The following SDC4 variants were observed in gnomAD, a reference collection of about 807,000 sequenced individuals.
SDC4 encodes the protein syndecan-4.
SDC4 carries 17 observed loss-of-function variants against 20.5 expected under a neutral mutation model. The observed-to-expected ratio is 0.83, with a 90% CI of 0.57 to 1.25. SDC4 has a LOEUF of 1.25. Ranked by LOEUF, SDC4 falls within the 50% of genes most tolerant of loss-of-function variation. The pLI, the probability that SDC4 is intolerant of heterozygous loss-of-function variation, is 0.00. For missense variants in SDC4, 241 were observed against 252.3 expected (o/e 0.96, Z 0.30); for synonymous variants, 107 against 105.3 (o/e 1.02, Z -0.10).
At chr20:45,344,514 C>T (rs1227862471) in intron 1 of SDC4, among the ~76,000 whole-genome samples, 1 of 152,186 alleles carries the variant, frequency 6.6e-6, no homozygotes, top group Non-Finnish European at 1.5e-5. Context: ...CCTGTCCAGT[C>T]CGGGAGGTTG....
At chr20:45,336,030 G>A in intron 1 of SDC4, 110 bp from the exon 2 acceptor site, 5 of 1,216,022 alleles carry the variant, frequency 4.1e-6, no homozygotes, top group Non-Finnish European at 3.4e-6. Context: ...GACCAGGCCA[G>A]GGCCTGGAGA....
In SDC4 at chr20:45,339,338, T is replaced by C. The variant is rs6032126; in HGVS notation, c.61-3418A>G. On this transcript the variant is annotated intron_variant, in intron 1 of 4. Transcript: ENST00000372733. ...AAGAATGTGGTCTGTTCTCCTCAGC[T>C]CACCCCACCTTTGCCCAGGCATGTG... Among the ~76,000 whole-genome samples, 202 of 152,336 alleles carry C rather than the reference T, an allele frequency of 1.3e-3. 1 individual carries two copies. The highest frequency in any genetic ancestry group is 4.5e-3 in the African/African-American group (186 of 41,584).
chr20:45,328,840 G>T (rs905099427), intron 4 of SDC4, among the ~76,000 whole-genome samples: 3 of 152,156 alleles, frequency 2.0e-5, no homozygotes, highest in Non-Finnish European at 2.9e-5. Flanking sequence ...GTACCCCCAG[G>T]AGGTGCCAGA....
In SDC4 at chr20:45,327,379, G is replaced by A. The variant is rs1987708991; in HGVS notation, c.482C>T (p.Ala161Val). The A allele has an allele frequency of 6.2e-7, 1 of 1,613,938 alleles. No homozygotes were observed. The highest frequency in any genetic ancestry group is 8.5e-7 in the Non-Finnish European group (1 of 1,179,868). The change falls in exon 5 of 5, where the codon GCC becomes GTC. Residue 161 changes from alanine to valine, a missense_variant. Transcript: ENST00000372733. ...IVGGIVGILFAVFLILLLMYR... is the reference protein window; with the variant it reads ...IVGGIVGILFVVFLILLLMYR... ...CATGAGCAGTAGGATCAGGAAGACG[G>A]CAAAGAGGATGCCCACGATGCCACC... is the stretch of plus-strand genomic sequence containing the variant.
chr20:45,327,996 C>A (rs2425694), intron 4 of SDC4, among the ~76,000 whole-genome samples: 75,073 of 151,946 alleles, frequency 0.49, 18,658 homozygotes, highest in Admixed American at 0.56. Flanking sequence ...CCAAACACCA[C>A]GCGGACTCCC....
Position 45,348,236 on chromosome 20 carries a change from C to CA in SDC4, c.60+88_60+89insT, listed in dbSNP as rs758450214. ...TTGGGGGTAGCGTACCCCCGATCTG[C>CA]CCCCCCCCATCCCACGCTCCGACGA... On this transcript the variant is annotated intron_variant, in intron 1 of 4. Coordinates refer to ENST00000372733, the MANE Select transcript of SDC4 (RefSeq NM_002999.4). 10 of 202,606 alleles carry CA rather than the reference C, an allele frequency of 4.9e-5. No homozygotes were observed. In the Admixed American group the frequency reaches 1.5e-3, roughly 31 times the overall value. The allele number at this position is 202,606 out of a possible 1,614,324, so 12.6% of individuals were successfully genotyped here. A position where few individuals can be genotyped will look rare whatever the true frequency, so the allele number is the denominator to read the frequency against.
intron 4 of SDC4, among the ~76,000 whole-genome samples, chr20:45,328,477 CT>C (rs1444703265): frequency 6.6e-6 from 1 of 152,196 alleles, no homozygotes; most frequent in South Asian, 2.1e-4. Flanking sequence ...CCCGAACCCC[CT>C]GAATCAGGTG....
chr20:45,343,619 A>G (rs986735324), intron 1 of SDC4, among the ~76,000 whole-genome samples: 2 of 152,114 alleles, frequency 1.3e-5, no homozygotes, highest in Non-Finnish European at 2.9e-5. Flanking sequence ...CAAATAGGAG[A>G]TTTGGACTCC....
At chr20:45,330,033 T>A (rs1458340386) in intron 4 of SDC4, among the ~76,000 whole-genome samples, 1 of 152,098 alleles carries the variant, frequency 6.6e-6, no homozygotes, top group Non-Finnish European at 1.5e-5. Context: ...ACAAGGGAAA[T>A]TAACTTTTAA....
chr20:45,332,924 C>T, intron 3 of SDC4, 99 bp downstream of exon 3: 1 of 1,169,266 alleles, frequency 8.6e-7, no homozygotes, highest in African/African-American at 1.5e-5. Context: ...GGTAAGACCC[C>T]TCACTTATTC....
rs752646553 is a variant in SDC4, at chr20:45,330,578, AAGG to A, written c.247-17_247-15del. 46 of 1,612,228 alleles carry A rather than the reference AAGG, an allele frequency of 2.9e-5. No individual in the cohort carries two copies. The East Asian group carries it at 9.6e-4, about 34-fold the overall frequency. ...ATCTAGAGGCACCTGGATGGGCGGA[AAGG>A]AGAAGAGACACTCAGCGTATTTTGG... On this transcript the variant is annotated splice_polypyrimidine_tract_variant and intron_variant, in intron 3 of 4. Transcript: ENST00000372733.
At position 45,343,002 on chromosome 20, in the gene SDC4, T is replaced by G. The variant is rs567859928; in HGVS notation, c.60+5323A>C. Among the ~76,000 whole-genome samples, 12 of 152,236 alleles carry G rather than the reference T, an allele frequency of 7.9e-5. No homozygotes were observed. In the South Asian group the frequency reaches 2.3e-3, roughly 29 times the overall value. On this transcript the variant is annotated intron_variant, in intron 1 of 4. Transcript: ENST00000372733. ...TTTATAGAGGACACTGGAGTTCACA[T>G]CAACAAAGTGACGTATTAACTGTGT...
chr20:45,337,874 G>A (rs997759496), intron 1 of SDC4, among the ~76,000 whole-genome samples: 6 of 152,224 alleles, frequency 3.9e-5, no homozygotes, highest in Non-Finnish European at 8.8e-5. Flanking sequence ...CTTGGCACCC[G>A]TGGGGGTGGA....
chr20:45,335,106 G>T (rs531673013), intron 2 of SDC4, among the ~76,000 whole-genome samples: 4 of 133,550 alleles, frequency 3.0e-5, no homozygotes, highest in South Asian at 4.7e-4. Flanking sequence ...GCAGGGACTT[G>T]TTCTTGGTTT....
At chr20:45,338,355 C>G (rs370332918) in intron 1 of SDC4, among the ~76,000 whole-genome samples, 3 of 149,628 alleles carry the variant, frequency 2.0e-5, no homozygotes, top group African/African-American at 7.7e-5. Flanking sequence ...CCAAGGGAGC[C>G]CTGTTAAGTA....
chr20:45,338,672 G>A (rs1029386036), intron 1 of SDC4, among the ~76,000 whole-genome samples: 2 of 152,184 alleles, frequency 1.3e-5, no homozygotes, highest in East Asian at 1.9e-4. Context: ...AGTGGGGCGT[G>A]AAGATCTTGC....
intron 1 of SDC4, among the ~76,000 whole-genome samples, chr20:45,339,115 C>T (rs924874097): frequency 6.6e-6 from 1 of 152,220 alleles, no homozygotes; most frequent in Non-Finnish European, 1.5e-5. Context: ...ACTAGGCCAG[C>T]AAGACGGGAC....
chr20:45,338,388 A>G (rs1425633731), intron 1 of SDC4, among the ~76,000 whole-genome samples: 1 of 152,104 alleles, frequency 6.6e-6, no homozygotes, highest in African/African-American at 2.4e-5. Context: ...TAGCCGGGAG[A>G]AAGAAAGAAT....
At chr20:45,337,842 G>A (rs1216987933) in intron 1 of SDC4, among the ~76,000 whole-genome samples, 3 of 152,246 alleles carry the variant, frequency 2.0e-5, no homozygotes, top group African/African-American at 7.2e-5. Context: ...TCTCTCCCGG[G>A]GAGTGGGGAG....
Sources: gnomAD v4.1 joint callset for allele counts (sites outside exome capture counted in the v4.1 genomes callset) on GRCh38, gnomAD v4.1.1 for gene constraint, MANE v1.5 for transcripts, NCBI Gene and HGNC (gene_info 2026-07-23, HGNC 2026-07-21) for gene names.